OCSTAMP: variants seen among roughly 807,000 people sequenced by gnomAD.
OCSTAMP encodes osteoclast stimulatory transmembrane protein.
OCSTAMP carries 17 observed loss-of-function variants against 25.2 expected under a neutral mutation model. That is an observed-to-expected ratio of 0.68 (90% CI 0.46 to 1.01). The LOEUF is 1.01. Ranked by LOEUF, OCSTAMP falls within the 50% of genes least tolerant of loss-of-function variation. The probability of loss-of-function intolerance (pLI) is 0.00; values close to 1 mark genes in which losing one functional copy is unlikely to be tolerated. For synonymous variants in OCSTAMP, 345 were observed against 318.9 expected (o/e 1.08, Z -0.87); for missense variants, 664 against 694.6 (o/e 0.96, Z 0.50).
Position 46,541,772 on chromosome 20 carries a change from G to A in OCSTAMP, c.1203C>T (p.Ala401=), listed in dbSNP as rs924389634. Residue 401 remains alanine (A), a synonymous_variant, in exon 3 of 3, where the codon GCC becomes GCT. Coordinates refer to ENST00000279028, the MANE Select transcript of OCSTAMP (RefSeq NM_080721.3). ...GCTGCAGGGCCCCCGCGGCCAGCGG[G>A]GCAGCTGCGCGGGGACGCCGGGCGG... ...LLPARRPRAA[A]PLAAGALQLL... 1 of 1,521,400 alleles carries A rather than the reference G, an allele frequency of 6.6e-7. No individual in the cohort carries two copies. Among genetic ancestry groups the A allele is most frequent in the Admixed American group, 2.2e-5 (1 of 45,014 alleles). 94.2% of individuals were successfully genotyped at this position (1,521,400 alleles called of 1,614,324 possible).
intron 1 of OCSTAMP, among the ~76,000 whole-genome samples, chr20:46,549,605 T>G (rs776347271): frequency 3.3e-5 from 5 of 151,866 alleles, no homozygotes; most frequent in Admixed American, 2.0e-4. Flanking sequence ...AGTTTGTGGG[T>G]GAAGAAGGGA....
At chr20:46,546,634 G>A (rs1376826345) in intron 1 of OCSTAMP, among the ~76,000 whole-genome samples, 1 of 152,166 alleles carries the variant, frequency 6.6e-6, no homozygotes, top group Admixed American at 6.5e-5. Context: ...TTTTGTGAAG[G>A]CAACTGGCCC....
chr20:46,546,395 C>T lies in OCSTAMP; in HGVS notation c.45-66G>A. 2.2e-6 allele frequency: 3 copies of T among 1,362,670 alleles called. No homozygotes were observed. The East Asian group carries it at 7.5e-5, about 34-fold the overall frequency. 84.4% of individuals were successfully genotyped at this position (1,362,670 alleles called of 1,614,324 possible). On this transcript the variant is annotated intron_variant, in intron 1 of 2. Coordinates refer to ENST00000279028, the MANE Select transcript of OCSTAMP (RefSeq NM_080721.3). ...GGGTGGGTGGGTGTCTGTCCACTGC[C>T]CCTGCCCCACATACCCATCACCAGG...
intron 1 of OCSTAMP, among the ~76,000 whole-genome samples, chr20:46,548,354 G>A (rs202371): frequency 0.99 from 150,767 of 152,318 alleles, 74,616 homozygotes; most frequent in East Asian, 1. Context: ...GTCCGTTTTG[G>A]TCACTGATAT....
At chr20:46,543,638 CT>C (rs2061842552) in intron 2 of OCSTAMP, among the ~76,000 whole-genome samples, 3 of 152,038 alleles carry the variant, frequency 2.0e-5, no homozygotes, top group Admixed American at 6.6e-5. Flanking sequence ...GCCCAGCCCC[CT>C]ATTTTTCTTT....
Position 46,541,044 on chromosome 20 carries a change from A to G in OCSTAMP, c.*230T>C. ...AATAACGTAATCTAAGATTTAATAA[A>G]TACGTTTATTTATAAAATTAAAACT... On this transcript the variant is annotated 3_prime_UTR_variant, in exon 3 of 3. Coordinates refer to ENST00000279028, the MANE Select transcript of OCSTAMP (RefSeq NM_080721.3). The G allele has an allele frequency of 2.1e-6, 1 of 478,670 alleles. No homozygotes were observed. The highest frequency in any genetic ancestry group is 3.1e-5 in the East Asian group (1 of 32,230). The allele number at this position is 478,670 out of a possible 1,614,324, so 29.7% of individuals were successfully genotyped here.
chr20:46,543,204 T>C (rs2061839946), intron 2 of OCSTAMP, among the ~76,000 whole-genome samples: 1 of 150,912 alleles, frequency 6.6e-6, no homozygotes, highest in East Asian at 1.9e-4. Flanking sequence ...CATTCCTTCC[T>C]TTTTTCTTTC....
At position 46,545,359 on chromosome 20, in the gene OCSTAMP, T is replaced by C. The variant is rs775083577; in HGVS notation, c.1015A>G (p.Thr339Ala). 1 of 1,492,578 alleles carries C rather than the reference T, an allele frequency of 6.7e-7. No homozygotes were observed. Among genetic ancestry groups the C allele is most frequent in the Non-Finnish European group, 8.9e-7 (1 of 1,121,348 alleles). 92.5% of individuals were successfully genotyped at this position (1,492,578 alleles called of 1,614,324 possible). A position where few individuals can be genotyped will look rare whatever the true frequency, so the allele number is the denominator to read the frequency against. ...ATVDWAQKLPTVPITLTVKYD... is the reference protein window; with the variant it reads ...ATVDWAQKLPAVPITLTVKYD... The stretch of plus-strand genomic sequence containing the variant: ...TTGACCGTGAGCGTGATGGGCACAG[T>C]TGGCAACTTCTGAGCCCAGTCCACA... Residue 339 changes from threonine (T) to alanine (A), a missense_variant, in exon 2 of 3, where the codon ACT becomes GCT. Thr to Ala is a moderately conservative substitution (Grantham distance 58). Coordinates refer to ENST00000279028, the MANE Select transcript of OCSTAMP (RefSeq NM_080721.3).
In OCSTAMP at chr20:46,550,591, C is replaced by G. The variant is rs898119924; in HGVS notation, c.-31G>C. ...CCAAATGGCAGTGGTTTCAGGCGGGCGGTCGCTGGCAGCTGTGGCAGGTGG... is the reference window on the plus strand; with the variant it reads ...CCAAATGGCAGTGGTTTCAGGCGGGGGGTCGCTGGCAGCTGTGGCAGGTGG... On this transcript the variant is annotated 5_prime_UTR_variant, in exon 1 of 3. Transcript: ENST00000279028. 5.2e-6 allele frequency: 8 copies of G among 1,550,884 alleles called. No individual in the cohort carries two copies. The African/African-American group carries it at 9.6e-5, about 19-fold the overall frequency.
chr20:46,545,629 G>C lies in OCSTAMP; in HGVS notation c.745C>G (p.Leu249Val), dbSNP rs1225759055. 5 of 1,551,724 alleles carry C rather than the reference G, an allele frequency of 3.2e-6. No homozygotes were observed. The highest frequency in any genetic ancestry group is 3.5e-6 in the Non-Finnish European group (4 of 1,147,008). Residue 249 changes from leucine (L) to valine (V), a missense_variant, in exon 2 of 3, where the codon CTG becomes GTG. Physicochemically the swap from Leu to Val is conservative, Grantham distance 32. Coordinates refer to ENST00000279028, the MANE Select transcript of OCSTAMP (RefSeq NM_080721.3). ...ATATTGTCAAACCGCAGGTCTGTCA[G>C]GTAGCAATGGAGGTACCATGCCGAC... ...VESAWYLHCY[L>V]TDLRFDNIYA...
chr20:46,542,701 A>T (rs1408551235), intron 2 of OCSTAMP, among the ~76,000 whole-genome samples: 1 of 152,012 alleles, frequency 6.6e-6, no homozygotes, highest in Admixed American at 6.5e-5. Context: ...CAGTTTCCAT[A>T]GGTATGTCCA....
chr20:46,542,054 A>G (rs1719322269), intron 2 of OCSTAMP, 127 bp from the exon 3 acceptor site: 2 of 1,316,162 alleles, frequency 1.5e-6, no homozygotes, highest in Admixed American at 3.7e-5. Flanking sequence ...CCCGTTTCCC[A>G]GGGTTTGAGG....
intron 1 of OCSTAMP, among the ~76,000 whole-genome samples, chr20:46,548,158 T>C (rs2061858816): frequency 1.3e-5 from 2 of 152,302 alleles, no homozygotes; most frequent in Non-Finnish European, 2.9e-5. Context: ...AAATTTCTGC[T>C]CCACCACTTG....
chr20:46,542,226 G>A (rs981051222), intron 2 of OCSTAMP, among the ~76,000 whole-genome samples: 1 of 152,176 alleles, frequency 6.6e-6, no homozygotes, highest in Admixed American at 6.5e-5. Context: ...TACTTTAGAT[G>A]TCCTATTCCA....
chr20:46,542,064 G>A, intron 2 of OCSTAMP, 137 bp from the exon 3 acceptor site: 1 of 1,286,444 alleles, frequency 7.8e-7, no homozygotes. Flanking sequence ...AGGGTTTGAG[G>A]AGGACCCAAT....
intron 1 of OCSTAMP, among the ~76,000 whole-genome samples, chr20:46,548,163 C>T (rs2061858852): frequency 6.6e-6 from 1 of 152,180 alleles, no homozygotes; most frequent in Admixed American, 6.5e-5. Flanking sequence ...TCTGCTCCAC[C>T]ACTTGCCAGC....
chr20:46,542,299 G>A lies in OCSTAMP; in HGVS notation c.1048-372C>T, dbSNP rs189340037. On this transcript the variant is annotated intron_variant, in intron 2 of 2. Coordinates refer to ENST00000279028, the MANE Select transcript of OCSTAMP (RefSeq NM_080721.3). The stretch of plus-strand genomic sequence containing the variant: ...AGCCTAATTTAAAAGATGGGAAGTG[G>A]CCAGGCGCAGTGGCTCACGCCTGTA... Among the ~76,000 whole-genome samples the A allele has an allele frequency of 9.9e-5, 15 of 152,266 alleles. No individual in the cohort carries two copies. The East Asian group carries it at 2.9e-3, about 29-fold the overall frequency.
intron 2 of OCSTAMP, among the ~76,000 whole-genome samples, chr20:46,544,317 C>A (rs1361739168): frequency 2.0e-5 from 3 of 152,270 alleles, no homozygotes; most frequent in Middle Eastern, 6.8e-3. Context: ...CCATACACTC[C>A]CTTATTGCCT....
At position 46,545,374 on chromosome 20, in the gene OCSTAMP, C is replaced by T. The variant is rs1347512622; in HGVS notation, c.1000G>A (p.Ala334Thr). 1.3e-6 allele frequency: 2 copies of T among 1,514,250 alleles called. No individual in the cohort carries two copies. Among genetic ancestry groups the T allele is most frequent in the East Asian group, 4.9e-5 (2 of 40,694 alleles). The allele number at this position is 1,514,250 out of a possible 1,614,324, so 93.8% of individuals were successfully genotyped here. The change falls in exon 2 of 3, where the codon GCT (alanine) becomes ACT (threonine). Residue 334 changes from alanine (A) to threonine (T), a missense_variant. By Grantham distance (58) the Ala-to-Thr change is moderately conservative. Coordinates refer to ENST00000279028, the MANE Select transcript of OCSTAMP (RefSeq NM_080721.3). Reference sequence around the variant, plus strand: ...ATGGGCACAGTTGGCAACTTCTGAGCCCAGTCCACAGTAGCCTGTGCCAGG... The same window carrying T: ...ATGGGCACAGTTGGCAACTTCTGAGTCCAGTCCACAGTAGCCTGTGCCAGG... ...FLLAQATVDWAQKLPTVPITL... is the reference protein window; with the variant it reads ...FLLAQATVDWTQKLPTVPITL...
Sources: gnomAD v4.1 joint callset for allele counts (sites outside exome capture counted in the v4.1 genomes callset) on GRCh38, gnomAD v4.1.1 for gene constraint, MANE v1.5 for transcripts, NCBI Gene and HGNC (gene_info 2026-07-23, HGNC 2026-07-21) for gene names.